Variants in SLC30A8 observed in about 807,000 individuals in gnomAD.
The protein encoded by SLC30A8 is solute carrier family 30 member 8.
A neutral mutation model predicts 36.9 loss-of-function variants in SLC30A8; 27 were observed. That is an observed-to-expected ratio of 0.73 (90% CI 0.54 to 1.01). The LOEUF (loss-of-function observed/expected upper bound fraction) is 1.01, where lower values mean the gene tolerates loss of function less well. Among genes scored for constraint, SLC30A8 ranks in the 50% least tolerant of loss-of-function variants. The pLI is 0.00. For synonymous variants in SLC30A8, 164 were observed against 172.4 expected, an observed-to-expected ratio of 0.95 and a Z score of 0.38; for missense variants, 439 against 452.0, an observed-to-expected ratio of 0.97 and a Z score of 0.26.
At chr8:117,148,012 T>A (rs1390374947) in intron 2 of SLC30A8, among the ~76,000 whole-genome samples, 1 of 152,114 alleles carries the variant, frequency 6.6e-6, no homozygotes, top group Non-Finnish European at 1.5e-5. Context: ...TCTTTATATA[T>A]TAGGATGTTA....
intron 6 of SLC30A8, 49 bp downstream of exon 6, chr8:117,163,579 T>TTTTGTGATTCTAGGGA: frequency 7.2e-7 from 1 of 1,389,560 alleles, no homozygotes; most frequent in Non-Finnish European, 1.0e-6. Context: ...TTCTCTTCCC[T>TTTTGTGATTCTAGGGA]AGAATCACAA....
chr8:117,065,233 A>T (rs1006806682), intron 2 of SLC30A8, among the ~76,000 whole-genome samples: 1 of 152,166 alleles, frequency 6.6e-6, no homozygotes, highest in South Asian at 2.1e-4. Context: ...AAGCCTTATA[A>T]ATATATGAGT....
At chr8:116,988,898 A>G (rs1411433490) in intron 1 of SLC30A8, among the ~76,000 whole-genome samples, 1 of 152,184 alleles carries the variant, frequency 6.6e-6, no homozygotes, top group African/African-American at 2.4e-5. Context: ...TCCCATTCAT[A>G]TAGATTTTCA....
intron 2 of SLC30A8, among the ~76,000 whole-genome samples, chr8:117,115,243 C>G (rs776074032): frequency 2.0e-5 from 3 of 151,910 alleles, no homozygotes; most frequent in Non-Finnish European, 4.4e-5. Flanking sequence ...CTCATCTAAC[C>G]TTCTTTGTCT....
chr8:117,061,652 ATTAC>A (rs1818026827), intron 2 of SLC30A8, among the ~76,000 whole-genome samples: 2 of 152,312 alleles, frequency 1.3e-5, no homozygotes, highest in African/African-American at 4.8e-5. Context: ...ACAATCCTTT[ATTAC>A]TTATAAGCCA....
At chr8:116,952,401 G>A (rs754643195) in intron 1 of SLC30A8, among the ~76,000 whole-genome samples, 1 of 151,966 alleles carries the variant, frequency 6.6e-6, no homozygotes, top group Non-Finnish European at 1.5e-5. Context: ...AAAATTATCA[G>A]TCCCTTGAAG....
intron 3 of SLC30A8, among the ~76,000 whole-genome samples, chr8:117,154,068 C>T (rs2130988642): frequency 6.6e-6 from 1 of 152,164 alleles, no homozygotes; most frequent in South Asian, 2.1e-4. Context: ...ACACATTTGA[C>T]TGTATGCTTT....
At chr8:117,138,070 AAAAAAAAAAAGAAAAAG>A (rs1451517394) in intron 1 of SLC30A8, among the ~76,000 whole-genome samples, 2 of 150,652 alleles carry the variant, frequency 1.3e-5, no homozygotes, top group Non-Finnish European at 3.0e-5. Flanking sequence ...CAAAAAAAAA[AAAAAAAAAAAGAAAAAG>A]AAAAAAAAAA....
At chr8:116,965,228 A>C (rs1450120394) in intron 1 of SLC30A8, among the ~76,000 whole-genome samples, 1 of 152,190 alleles carries the variant, frequency 6.6e-6, no homozygotes, top group Non-Finnish European at 1.5e-5. Context: ...ATGAGCCACC[A>C]CGCCTGGCTG....
At chr8:116,999,653 A>T (rs1815941016) in intron 1 of SLC30A8, among the ~76,000 whole-genome samples, 1 of 152,160 alleles carries the variant, frequency 6.6e-6, no homozygotes, top group Non-Finnish European at 1.5e-5. Flanking sequence ...CCTGACACAG[A>T]CTTTACTTAT....
chr8:117,157,564 A>G (rs1822559707), intron 3 of SLC30A8, 127 bp from the exon 4 acceptor site: 1 of 973,324 alleles, frequency 1.0e-6, no homozygotes, highest in Admixed American at 2.3e-5. Context: ...TACTTTGTGA[A>G]TCACTGGATG....
rs377269953 is a variant in SLC30A8, at chr8:117,147,044, C to T, written c.162C>T (p.His54=). The change falls in exon 2 of 8, where the codon CAC becomes CAT. Residue 54 remains histidine (H), a synonymous_variant. Coordinates refer to ENST00000456015, the MANE Select transcript of SLC30A8 (RefSeq NM_173851.3). ...AGTCAGGAGGCATGTACCACTGCCA[C>T]AGTGGCTCCAAGCCCACAGAAAAGG... ...ELESGGMYHC[H]SGSKPTEKGA... 50 of 1,614,030 alleles carry T rather than the reference C, an allele frequency of 3.1e-5. No individual in the cohort carries two copies. The highest frequency in any genetic ancestry group is 4.0e-5 in the Non-Finnish European group (47 of 1,180,016).
chr8:117,141,148 G>C (rs1269031906), intron 1 of SLC30A8, among the ~76,000 whole-genome samples: 2 of 151,988 alleles, frequency 1.3e-5, no homozygotes, highest in Non-Finnish European at 2.9e-5. Flanking sequence ...AAATAGAAGA[G>C]GTGTAAATAC....
intron 1 of SLC30A8, among the ~76,000 whole-genome samples, chr8:116,970,425 G>T (rs1814753833): frequency 6.6e-6 from 1 of 152,174 alleles, no homozygotes. Flanking sequence ...GTATGGTATA[G>T]TAAGTACATA....
chr8:117,041,735 T>A (rs1384543861), intron 2 of SLC30A8, among the ~76,000 whole-genome samples: 1 of 152,062 alleles, frequency 6.6e-6, no homozygotes, highest in Non-Finnish European at 1.5e-5. Context: ...GTTGAGGGAA[T>A]GAGAGTCTAA....
intron 3 of SLC30A8, among the ~76,000 whole-genome samples, chr8:117,154,261 C>T (rs1357507533): frequency 1.3e-5 from 2 of 152,014 alleles, no homozygotes; most frequent in Non-Finnish European, 2.9e-5. Context: ...CCCCACAACC[C>T]CCACACTCTG....
At chr8:117,016,630 G>A (rs1816528876) in intron 1 of SLC30A8, among the ~76,000 whole-genome samples, 1 of 152,170 alleles carries the variant, frequency 6.6e-6, no homozygotes, top group African/African-American at 2.4e-5. Flanking sequence ...TCTGTAGATA[G>A]CACATATTTT....
chr8:116,991,399 G>A (rs927254840), intron 1 of SLC30A8, among the ~76,000 whole-genome samples: 2 of 151,802 alleles, frequency 1.3e-5, no homozygotes, highest in Non-Finnish European at 2.9e-5. Flanking sequence ...TATGCCTCCC[G>A]GTTCAAGCAA....
At chr8:117,134,069 T>G (rs888018444), upstream of SLC30A8, among the ~76,000 whole-genome samples, 4 of 151,954 alleles carry the variant, frequency 2.6e-5, no homozygotes, top group African/African-American at 7.2e-5. Flanking sequence ...TGACTTCTCC[T>G]GTCACTGCCT....
Sources: allele counts gnomAD v4.1 joint callset (sites outside exome capture counted in the v4.1 genomes callset), GRCh38; gene constraint gnomAD v4.1.1; transcripts MANE v1.5; gene names NCBI Gene and HGNC (gene_info 2026-07-23, HGNC 2026-07-21).